SLC25A21: variants seen among roughly 807,000 people sequenced by gnomAD.
The protein encoded by SLC25A21 is mitochondrial 2-oxodicarboxylate carrier.
A neutral mutation model predicts 43.8 loss-of-function variants in SLC25A21; 47 were observed. That is an observed-to-expected ratio of 1.07 (90% confidence interval 0.85 to 1.37). The LOEUF (loss-of-function observed/expected upper bound fraction) is 1.37. Ranked by LOEUF, SLC25A21 falls within the 40% of genes most tolerant of loss-of-function variation. The pLI is 0.00. For synonymous variants in SLC25A21, 131 were observed against 121.3 expected (o/e 1.08, Z -0.52); for missense variants, 352 against 350.2 (o/e 1.00, Z -0.04).
intron 6 of SLC25A21, among the ~76,000 whole-genome samples, chr14:36,721,620 GCAAA>G (rs1884376652): frequency 6.6e-6 from 1 of 152,112 alleles, no homozygotes. Flanking sequence ...TCAGTAATTG[GCAAA>G]CAAAGTTTAA....
chr14:36,894,807 T>G (rs1891189099), intron 1 of SLC25A21, among the ~76,000 whole-genome samples: 1 of 152,234 alleles, frequency 6.6e-6, no homozygotes, highest in African/African-American at 2.4e-5. Flanking sequence ...TCATGTGGTT[T>G]TTGTCATTGG....
intron 3 of SLC25A21, among the ~76,000 whole-genome samples, chr14:36,749,069 G>A (rs1885605713): frequency 6.6e-6 from 1 of 152,166 alleles, no homozygotes; most frequent in African/African-American, 2.4e-5. Context: ...TGTTCAAACT[G>A]TGTTCAAATA....
intron 3 of SLC25A21, among the ~76,000 whole-genome samples, chr14:36,792,507 G>C (rs929422517): frequency 6.6e-6 from 1 of 152,114 alleles, no homozygotes; most frequent in Non-Finnish European, 1.5e-5. Context: ...GTTGGACCAA[G>C]TATTAAATAA....
chr14:37,079,821 G>C (rs1241645191), intron 1 of SLC25A21, among the ~76,000 whole-genome samples: 3 of 152,166 alleles, frequency 2.0e-5, no homozygotes, highest in Admixed American at 6.5e-5. Flanking sequence ...TGGTCTGAAG[G>C]TTTGTGTCCC....
chr14:36,730,973 GTTT>G (rs869254850), intron 4 of SLC25A21, among the ~76,000 whole-genome samples: 2 of 80,104 alleles, frequency 2.5e-5, no homozygotes, highest in African/African-American at 9.1e-5. Context: ...ATAATCTTAG[GTTT>G]TTTTTTTTTT....
rs149013367 is a variant in SLC25A21, at chr14:36,777,359, C to T, written c.203+36559G>A. Among the ~76,000 whole-genome samples, 9 of 152,216 alleles carry T rather than the reference C, an allele frequency of 5.9e-5. No individual in the cohort carries two copies. The East Asian group carries it at 1.7e-3, about 29-fold the overall frequency. ...ACAAAAACAACAACAACAAAATGAC[C>T]TCTGTAATGAGTTGGATAGTGGCCC... On this transcript the variant is annotated intron_variant, in intron 3 of 9. Transcript: ENST00000331299.
chr14:37,047,816 A>G (rs1961620321), intron 1 of SLC25A21, among the ~76,000 whole-genome samples: 1 of 152,196 alleles, frequency 6.6e-6, no homozygotes, highest in African/African-American at 2.4e-5. Context: ...TGTGATTTCC[A>G]ATGTATCACC....
chr14:37,009,244 T>A (rs1204043946), intron 1 of SLC25A21, among the ~76,000 whole-genome samples: 3 of 152,116 alleles, frequency 2.0e-5, no homozygotes, highest in Non-Finnish European at 4.4e-5. Context: ...TCCCAGCACT[T>A]TGGGAGGCTG....
intron 1 of SLC25A21, among the ~76,000 whole-genome samples, chr14:37,160,287 T>C (rs976512460): frequency 3.9e-5 from 6 of 152,242 alleles, no homozygotes; most frequent in African/African-American, 1.4e-4. Context: ...GCAGCACTAT[T>C]CACTATAGCA....
At chr14:37,094,722 T>C (rs955116953) in intron 1 of SLC25A21, among the ~76,000 whole-genome samples, 6 of 123,632 alleles carry the variant, frequency 4.9e-5, no homozygotes, top group African/African-American at 1.7e-4. Flanking sequence ...CACTGAAGCA[T>C]GGTTGGTGAT....
chr14:37,008,048 A>T (rs952019072), intron 1 of SLC25A21, among the ~76,000 whole-genome samples: 1 of 151,690 alleles, frequency 6.6e-6, no homozygotes. Flanking sequence ...CTAATTTTGT[A>T]TTTTCAGTAG....
At chr14:36,830,667 T>A (rs1472277200) in intron 2 of SLC25A21, among the ~76,000 whole-genome samples, 3 of 152,172 alleles carry the variant, frequency 2.0e-5, no homozygotes, top group East Asian at 3.8e-4. Context: ...TCATTAAGTT[T>A]GAGTATCAAG....
At chr14:37,064,266 G>T (rs1244121410) in intron 1 of SLC25A21, among the ~76,000 whole-genome samples, 1 of 152,086 alleles carries the variant, frequency 6.6e-6, no homozygotes, top group Non-Finnish European at 1.5e-5. Flanking sequence ...CTTTGGTCTG[G>T]GACTGAGAGT....
chr14:37,035,633 C>A (rs1961310811), intron 1 of SLC25A21, among the ~76,000 whole-genome samples: 1 of 152,124 alleles, frequency 6.6e-6, no homozygotes, highest in Non-Finnish European at 1.5e-5. Context: ...CTTTATAGCC[C>A]AGAGCCCGAT....
rs569204172 is a variant in SLC25A21, at chr14:36,989,503, A to ATTT, written c.71-114502_71-114500dup. Among the ~76,000 whole-genome samples the ATTT allele has an allele frequency of 4.2e-3, 611 of 144,754 alleles. 7 individuals are homozygous for ATTT. Among genetic ancestry groups the ATTT allele is most frequent in the African/African-American group, 0.014 (576 of 40,190 alleles). The allele number at this position is 144,754 out of a possible 152,430, so 95.0% of individuals were successfully genotyped here. Reference sequence around the variant, plus strand: ...GGTGACAAAAGGACTTAACTAAATCATTTTTTTTTTTTGCTGTTTAATTTT... The same window carrying ATTT: ...GGTGACAAAAGGACTTAACTAAATCATTTTTTTTTTTTTTTGCTGTTTAATTTT... On this transcript the variant is annotated intron_variant, in intron 1 of 9. Coordinates refer to ENST00000331299, the MANE Select transcript of SLC25A21 (RefSeq NM_030631.4).
At chr14:36,888,091 G>C (rs1890974254) in intron 1 of SLC25A21, among the ~76,000 whole-genome samples, 1 of 152,142 alleles carries the variant, frequency 6.6e-6, no homozygotes, top group Non-Finnish European at 1.5e-5. Flanking sequence ...GTTTTTGTTT[G>C]TCTGTTTTCC....
intron 3 of SLC25A21, among the ~76,000 whole-genome samples, chr14:36,744,286 T>A (rs1885400823): frequency 6.6e-6 from 1 of 152,132 alleles, no homozygotes; most frequent in Admixed American, 6.5e-5. Flanking sequence ...GACTTCAGAT[T>A]ACACTAGAAG....
intron 1 of SLC25A21, among the ~76,000 whole-genome samples, chr14:37,027,654 G>C (rs967242528): frequency 6.6e-6 from 1 of 152,128 alleles, no homozygotes; most frequent in Non-Finnish European, 1.5e-5. Context: ...AGAATTCAGG[G>C]TTAAAAACTC....
At chr14:36,708,744 G>GTTTTTTT (rs58837881) in intron 7 of SLC25A21, among the ~76,000 whole-genome samples, 1 of 108,490 alleles carries the variant, frequency 9.2e-6, no homozygotes, top group Non-Finnish European at 1.9e-5. Context: ...GCTAACGTTA[G>GTTTTTTT]TTTTTTTTTT....
Sources: gnomAD v4.1 joint callset for allele counts (sites outside exome capture counted in the v4.1 genomes callset) on GRCh38, gnomAD v4.1.1 for gene constraint, MANE v1.5 for transcripts, NCBI Gene and HGNC (gene_info 2026-07-23, HGNC 2026-07-21) for gene names.